The following BBS9 variants were observed in gnomAD, a reference collection of about 807,000 sequenced individuals.
The protein encoded by BBS9 is Bardet-Biedl syndrome 9.
Under a neutral mutation model 117.7 loss-of-function variants are expected in BBS9, and 89 were observed. The ratio of observed to expected loss-of-function variants is 0.76; its 90% confidence interval spans 0.64 to 0.90. The LOEUF is 0.90. Among genes scored for constraint, BBS9 ranks in the 40% least tolerant of loss-of-function variants. BBS9 has a pLI of 0.00. For synonymous variants in BBS9, 379 were observed against 370.9 expected (o/e 1.02, Z -0.25); for missense variants, 982 against 1,042.2 (o/e 0.94, Z 0.80).
intron 21 of BBS9, among the ~76,000 whole-genome samples, chr7:33,579,510 A>C (rs936505938): frequency 1.3e-5 from 2 of 152,176 alleles, no homozygotes; most frequent in African/African-American, 4.8e-5. Context: ...GTCTTGAAGC[A>C]CTGAGGTTTG....
intron 19 of BBS9, among the ~76,000 whole-genome samples, chr7:33,483,777 C>T (rs759348468): frequency 6.6e-6 from 1 of 152,040 alleles, no homozygotes; most frequent in Non-Finnish European, 1.5e-5. Flanking sequence ...ACTACATCTA[C>T]ACGCCATGCC....
At chr7:33,423,525 A>T (rs1248686894) in intron 19 of BBS9, among the ~76,000 whole-genome samples, 2 of 151,592 alleles carry the variant, frequency 1.3e-5, no homozygotes, top group Admixed American at 1.3e-4. Context: ...CTTTCATATG[A>T]TGTGTGAAGA....
At chr7:33,502,225 G>A (rs1212239291) in intron 19 of BBS9, among the ~76,000 whole-genome samples, 1 of 152,052 alleles carries the variant, frequency 6.6e-6, no homozygotes, top group African/African-American at 2.4e-5. Flanking sequence ...CTATTCTTTA[G>A]GACACATTTC....
intron 3 of BBS9, among the ~76,000 whole-genome samples, chr7:33,153,064 A>C (rs1272784072): frequency 1.3e-5 from 2 of 152,250 alleles, no homozygotes; most frequent in East Asian, 3.8e-4. Flanking sequence ...TAATAGACTT[A>C]AGATGCCTGA....
At chr7:33,346,503 T>C (rs1406186534) in intron 12 of BBS9, 1 of 182,020 alleles carries the variant, frequency 5.5e-6, no homozygotes, top group East Asian at 1.4e-4. Flanking sequence ...TATCAATGTT[T>C]TATATTTTCT....
At chr7:33,403,227 T>C (rs572296203) in intron 19 of BBS9, among the ~76,000 whole-genome samples, 27 of 151,936 alleles carry the variant, frequency 1.8e-4, no homozygotes, top group African/African-American at 6.0e-4. Flanking sequence ...GTAGGTAGTT[T>C]TTCAACTCAC....
chr7:33,389,041 A>G (rs1242802693), intron 19 of BBS9, among the ~76,000 whole-genome samples: 2 of 152,144 alleles, frequency 1.3e-5, no homozygotes, highest in Admixed American at 6.5e-5. Flanking sequence ...CTTTCTTCCA[A>G]TGGTAACATT....
intron 21 of BBS9, among the ~76,000 whole-genome samples, chr7:33,611,494 T>C (rs974576905): frequency 2.1e-5 from 3 of 142,804 alleles, no homozygotes; most frequent in African/African-American, 7.7e-5. Flanking sequence ...AATGTAATAT[T>C]ATATATAAGG....
Position 33,194,334 on chromosome 7 carries a change from C to T in BBS9, c.442+16743C>T, listed in dbSNP as rs568861489. On this transcript the variant is annotated intron_variant, in intron 5 of 22. Transcript: ENST00000242067. ...CTTATGTGGAGTTTGGTCTTAGCAG[C>T]TTCACAAAATGCACCAAGTCCAGCC... 2.6e-5 allele frequency among the ~76,000 whole-genome samples: 4 copies of T among 152,262 alleles called. No individual in the cohort carries two copies. In the South Asian group the frequency reaches 8.3e-4, roughly 32 times the overall value.
intron 9 of BBS9, among the ~76,000 whole-genome samples, chr7:33,332,959 A>C (rs1188201287): frequency 1.3e-5 from 2 of 152,058 alleles, no homozygotes; most frequent in South Asian, 4.2e-4. Flanking sequence ...CCATCTCCAG[A>C]ACTTTTTCAT....
intron 9 of BBS9, among the ~76,000 whole-genome samples, chr7:33,311,164 C>T (rs906426761): frequency 7.2e-5 from 11 of 152,014 alleles, no homozygotes; most frequent in African/African-American, 2.7e-4. Context: ...TACCAGGTGC[C>T]AAAGGGGCAT....
chr7:33,437,461 A>G (rs1014873561), intron 19 of BBS9, among the ~76,000 whole-genome samples: 1 of 152,184 alleles, frequency 6.6e-6, no homozygotes, highest in Non-Finnish European at 1.5e-5. Flanking sequence ...TTCTGAGGGG[A>G]AAATTCTTTT....
chr7:33,572,857 T>A (rs985111923), intron 21 of BBS9, among the ~76,000 whole-genome samples: 1 of 152,056 alleles, frequency 6.6e-6, no homozygotes, highest in Non-Finnish European at 1.5e-5. Flanking sequence ...TATTTACCTA[T>A]CCATTTTTAA....
chr7:33,574,930 T>C (rs1018496481), intron 21 of BBS9, among the ~76,000 whole-genome samples: 1 of 152,036 alleles, frequency 6.6e-6, no homozygotes, highest in Non-Finnish European at 1.5e-5. Context: ...TACCTCAAGA[T>C]TTCTTGAAGT....
chr7:33,158,432 ATAT>A (rs987127356), intron 4 of BBS9, among the ~76,000 whole-genome samples: 7 of 152,210 alleles, frequency 4.6e-5, no homozygotes, highest in African/African-American at 1.7e-4. Context: ...AATAATTTTA[ATAT>A]TATGTCACTG....
At chr7:33,399,981 G>A (rs1001085158) in intron 19 of BBS9, among the ~76,000 whole-genome samples, 5 of 152,000 alleles carry the variant, frequency 3.3e-5, no homozygotes, top group Non-Finnish European at 5.9e-5. Flanking sequence ...TCCCTGGGGC[G>A]TGTTCACTTT....
chr7:33,601,044 G>A (rs766120072), intron 21 of BBS9, among the ~76,000 whole-genome samples: 1 of 152,192 alleles, frequency 6.6e-6, no homozygotes, highest in Non-Finnish European at 1.5e-5. Context: ...AGGGGCAGGG[G>A]GAGGGCCAGT....
At chr7:33,201,442 ATAGACTT>A (rs534432320) in intron 5 of BBS9, among the ~76,000 whole-genome samples, 105 of 152,138 alleles carry the variant, frequency 6.9e-4, no homozygotes, top group African/African-American at 2.4e-3. Flanking sequence ...CACAAATTCC[ATAGACTT>A]TTAAACAGCT....
At chr7:33,136,454 T>C (rs1300504236) in intron 1 of BBS9, among the ~76,000 whole-genome samples, 1 of 152,218 alleles carries the variant, frequency 6.6e-6, no homozygotes, top group East Asian at 1.9e-4. Context: ...GAGGAAAGTG[T>C]TCGGTTTACA....
Sources: allele counts gnomAD v4.1 joint callset (sites outside exome capture counted in the v4.1 genomes callset), GRCh38; gene constraint gnomAD v4.1.1; transcripts MANE v1.5; gene names NCBI Gene and HGNC (gene_info 2026-07-23, HGNC 2026-07-21).